The following ANK3 variants were observed in gnomAD, a reference collection of about 807,000 sequenced individuals.
The protein encoded by ANK3 is ankyrin 3.
A neutral mutation model predicts 370.9 loss-of-function variants in ANK3; 57 were observed. The observed-to-expected ratio is 0.15, with a 90% confidence interval of 0.12 to 0.19. The LOEUF is 0.19. Ranked by LOEUF, ANK3 falls within the 10% of genes least tolerant of loss-of-function variation. ANK3 has a pLI of 1.00. For missense variants in ANK3, 4,439 were observed against 5,302.1 expected, an observed-to-expected ratio of 0.84 and a Z score of 5.06; for synonymous variants, 1,929 against 1,946.3, an observed-to-expected ratio of 0.99 and a Z score of 0.23.
At chr10:60,164,787 A>G (rs1430526739) in intron 23 of ANK3, among the ~76,000 whole-genome samples, 5 of 152,220 alleles carry the variant, frequency 3.3e-5, no homozygotes, top group African/African-American at 1.2e-4. Flanking sequence ...ATTCCAGCAG[A>G]TGTTTGCTCA....
At chr10:60,260,520 G>T (rs1005263172) in intron 7 of ANK3, among the ~76,000 whole-genome samples, 1 of 152,176 alleles carries the variant, frequency 6.6e-6, no homozygotes, top group African/African-American at 2.4e-5. Flanking sequence ...TAACAGTGCT[G>T]CTTGATATTG....
intron 24 of ANK3, chr10:60,137,374 GA>G (rs201151245): frequency 0.1 from 16,606 of 163,252 alleles, 553 homozygotes; most frequent in African/African-American, 0.23. Context: ...GTAATTTTAG[GA>G]AAAAAAAAAA....
intron 2 of ANK3, among the ~76,000 whole-genome samples, chr10:60,584,746 T>C (rs1487225907): frequency 6.6e-6 from 1 of 152,244 alleles, no homozygotes; most frequent in Non-Finnish European, 1.5e-5. Context: ...AATTGTTTCC[T>C]GAATTTTCCT....
intron 7 of ANK3, among the ~76,000 whole-genome samples, chr10:60,240,245 CAT>C (rs2097425798): frequency 2.2e-5 from 3 of 138,410 alleles, no homozygotes; most frequent in East Asian, 2.0e-4. Flanking sequence ...TATATACACA[CAT>C]ATATATACAT....
chr10:60,471,944 G>T (rs1208895655), intron 2 of ANK3, among the ~76,000 whole-genome samples: 1 of 151,972 alleles, frequency 6.6e-6, no homozygotes, highest in African/African-American at 2.4e-5. Context: ...GCCAAAAGCA[G>T]ATTAATAATA....
chr10:60,380,310 A>G (rs899207782), intron 1 of ANK3, among the ~76,000 whole-genome samples: 4 of 152,134 alleles, frequency 2.6e-5, no homozygotes, highest in Admixed American at 2.6e-4. Flanking sequence ...CTTGCATGGC[A>G]TTTCATGGTC....
chr10:60,473,732 C>T (rs1042966503), intron 2 of ANK3, among the ~76,000 whole-genome samples: 8 of 152,000 alleles, frequency 5.3e-5, no homozygotes, highest in Admixed American at 1.3e-4. Flanking sequence ...CTTCCTAGAG[C>T]GCTGGTTTAA....
At chr10:60,469,092 T>TAC (rs1445860791) in intron 2 of ANK3, among the ~76,000 whole-genome samples, 2 of 39,960 alleles carry the variant, frequency 5.0e-5, no homozygotes, top group Non-Finnish European at 9.6e-5. Flanking sequence ...TATATATATA[T>TAC]ATACCACTTT....
At chr10:60,435,364 T>C in intron 2 of ANK3, among the ~76,000 whole-genome samples, 1 of 152,214 alleles carries the variant, frequency 6.6e-6, no homozygotes, top group East Asian at 1.9e-4. Context: ...CAAATTTAGT[T>C]CTGTCTCCAT....
At chr10:60,583,533 T>TTTTTTTG in intron 2 of ANK3, among the ~76,000 whole-genome samples, 1 of 150,164 alleles carries the variant, frequency 6.7e-6, no homozygotes, top group African/African-American at 2.4e-5. Flanking sequence ...TTGTTTTTTT[T>TTTTTTTG]TGAGGTGGAA....
At chr10:60,154,815 C>G (rs185414647) in intron 23 of ANK3, among the ~76,000 whole-genome samples, 205 of 152,188 alleles carry the variant, frequency 1.3e-3, no homozygotes, top group Non-Finnish European at 2.3e-3. Flanking sequence ...AATGAAACAA[C>G]CAAAATCTGT....
At chr10:60,444,899 G>A (rs1346384591) in intron 2 of ANK3, among the ~76,000 whole-genome samples, 3 of 152,126 alleles carry the variant, frequency 2.0e-5, no homozygotes, top group Middle Eastern at 6.8e-3. Flanking sequence ...TCTGAGGTTG[G>A]TAAAACTTTT....
chr10:60,612,405 T>C (rs1033419392), intron 2 of ANK3, among the ~76,000 whole-genome samples: 8 of 152,220 alleles, frequency 5.3e-5, no homozygotes, highest in Non-Finnish European at 8.8e-5. Flanking sequence ...AAATAGAAGA[T>C]ACTTTTAAGT....
At chr10:60,672,929 C>A (rs756584224) in intron 1 of ANK3, among the ~76,000 whole-genome samples, 5 of 152,030 alleles carry the variant, frequency 3.3e-5, no homozygotes, top group Non-Finnish European at 7.4e-5. Context: ...GGGAGAAATC[C>A]CCACACATTC....
chr10:60,329,930 A>C (rs931947409), intron 1 of ANK3, among the ~76,000 whole-genome samples: 1 of 152,222 alleles, frequency 6.6e-6, no homozygotes, highest in Non-Finnish European at 1.5e-5. Flanking sequence ...ACTGGTACCA[A>C]GACAGATATA....
chr10:60,731,112 G>A (rs2080016249), intron 1 of ANK3, among the ~76,000 whole-genome samples: 1 of 152,094 alleles, frequency 6.6e-6, no homozygotes, highest in Non-Finnish European at 1.5e-5. Context: ...ATTAATTGGA[G>A]ATTAACCTGG....
At chr10:60,189,346 G>A (rs1307439708) in intron 16 of ANK3, among the ~76,000 whole-genome samples, 1 of 152,184 alleles carries the variant, frequency 6.6e-6, no homozygotes, top group Non-Finnish European at 1.5e-5. Context: ...GAGAGAGACA[G>A]AGAGACAGAT....
chr10:60,228,949 C>T (rs2097204291), intron 8 of ANK3, among the ~76,000 whole-genome samples: 1 of 152,038 alleles, frequency 6.6e-6, no homozygotes, highest in Admixed American at 6.6e-5. Context: ...GTGATTTTTG[C>T]CATAATACTT....
At chr10:60,731,681 C>T (rs1358745171) in intron 1 of ANK3, among the ~76,000 whole-genome samples, 1 of 152,200 alleles carries the variant, frequency 6.6e-6, no homozygotes, top group Non-Finnish European at 1.5e-5. Context: ...TCCTTAAACA[C>T]GCACCGGTTT....
Sources: gnomAD v4.1 joint callset for allele counts (sites outside exome capture counted in the v4.1 genomes callset) on GRCh38, gnomAD v4.1.1 for gene constraint, MANE v1.5 for transcripts, NCBI Gene and HGNC (gene_info 2026-07-23, HGNC 2026-07-21) for gene names.